Variants in TRPC6 observed in about 807,000 individuals in gnomAD.
TRPC6 encodes transient receptor potential cation channel subfamily C member 6.
A neutral mutation model predicts 90.7 loss-of-function variants in TRPC6; 55 were observed. That is an observed-to-expected ratio of 0.61 (90% CI 0.49 to 0.76). The LOEUF (loss-of-function observed/expected upper bound fraction) is 0.76. Ranked by LOEUF, TRPC6 falls within the 30% of genes least tolerant of loss-of-function variation. The pLI is 0.00. For synonymous variants in TRPC6, 393 were observed against 393.0 expected (o/e 1.00, Z 0.00); for missense variants, 989 against 1,122.7 (o/e 0.88, Z 1.70).
At chr11:101,556,358 T>G (rs1861560706) in intron 1 of TRPC6, among the ~76,000 whole-genome samples, 1 of 151,112 alleles carries the variant, frequency 6.6e-6, no homozygotes, top group African/African-American at 2.4e-5. Context: ...TCAAATAAAA[T>G]CAGAAATAAA....
At chr11:101,471,734 T>C (rs1217733590) in intron 8 of TRPC6, among the ~76,000 whole-genome samples, 1 of 152,214 alleles carries the variant, frequency 6.6e-6, no homozygotes, top group African/African-American at 2.4e-5. Flanking sequence ...CAGATCAAGA[T>C]TTCTGGAATA....
At chr11:101,490,177 C>A (rs761352417) in intron 3 of TRPC6, among the ~76,000 whole-genome samples, 3 of 152,058 alleles carry the variant, frequency 2.0e-5, no homozygotes, top group African/African-American at 7.2e-5. Context: ...TAACAAAAAT[C>A]TGAAAATTAT....
intron 1 of TRPC6, among the ~76,000 whole-genome samples, chr11:101,568,582 T>C (rs1424410783): frequency 6.7e-6 from 1 of 149,890 alleles, no homozygotes; most frequent in Non-Finnish European, 1.5e-5. Context: ...AAGGGTGAAA[T>C]GAAGGAAAAA....
At chr11:101,528,064 C>T (rs1302857014) in intron 1 of TRPC6, among the ~76,000 whole-genome samples, 1 of 152,000 alleles carries the variant, frequency 6.6e-6, no homozygotes, top group Non-Finnish European at 1.5e-5. Context: ...CAGAGTGAGA[C>T]TCCATCTCAA....
chr11:101,534,331 T>C (rs1161323156), intron 1 of TRPC6, among the ~76,000 whole-genome samples: 1 of 152,186 alleles, frequency 6.6e-6, no homozygotes, highest in African/African-American at 2.4e-5. Flanking sequence ...AGGTGGAGTT[T>C]CACCATGTTG....
Position 101,485,388 on chromosome 11 carries a change from T to A in TRPC6, c.1294-2223A>T, listed in dbSNP as rs75335606. On this transcript the variant is annotated intron_variant, in intron 4 of 12. Coordinates refer to ENST00000344327, the MANE Select transcript of TRPC6 (RefSeq NM_004621.6). ...TTTTCTTCTGCCTATTGTCCTTTGC[T>A]ATTTTTCTTTTTAAATATAAATAGT... Among the ~76,000 whole-genome samples, 8 of 152,260 alleles carry A rather than the reference T, an allele frequency of 5.3e-5. No homozygotes were observed. In the East Asian group the frequency reaches 1.5e-3, roughly 29 times the overall value.
intron 1 of TRPC6, among the ~76,000 whole-genome samples, chr11:101,515,657 T>C (rs891181810): frequency 2.0e-5 from 3 of 152,192 alleles, no homozygotes; most frequent in Admixed American, 6.5e-5. Flanking sequence ...TTTTAAAAAT[T>C]AGAATTTCAC....
At chr11:101,474,370 C>T (rs895022015) in intron 6 of TRPC6, among the ~76,000 whole-genome samples, 2 of 152,022 alleles carry the variant, frequency 1.3e-5, no homozygotes, top group Non-Finnish European at 2.9e-5. Context: ...CAATTATTCA[C>T]TTATGGATTT....
At chr11:101,528,383 C>A (rs866346223) in intron 1 of TRPC6, among the ~76,000 whole-genome samples, 1 of 152,122 alleles carries the variant, frequency 6.6e-6, no homozygotes, top group Non-Finnish European at 1.5e-5. Context: ...AACCTCATTG[C>A]CTACACATTG....
intron 10 of TRPC6, among the ~76,000 whole-genome samples, chr11:101,463,905 CA>C (rs554504779): frequency 7.8e-4 from 118 of 152,226 alleles, no homozygotes; most frequent in African/African-American, 2.7e-3. Flanking sequence ...GTTAGGGTGT[CA>C]ATTTTAGATC....
chr11:101,528,944 C>T (rs959513993), intron 1 of TRPC6, among the ~76,000 whole-genome samples: 1 of 151,870 alleles, frequency 6.6e-6, no homozygotes, highest in African/African-American at 2.4e-5. Flanking sequence ...TGGAAAATTC[C>T]AACTAATGAA....
intron 12 of TRPC6, 124 bp downstream of exon 12, chr11:101,453,526 G>T: frequency 2.1e-6 from 2 of 963,870 alleles, no homozygotes; most frequent in Non-Finnish European, 3.3e-6. Flanking sequence ...GTGAGATCCT[G>T]TTCTACTTTT....
intron 4 of TRPC6, among the ~76,000 whole-genome samples, chr11:101,485,126 T>TACACAC (rs10639907): frequency 0.041 from 5,835 of 143,898 alleles, 174 homozygotes; most frequent in African/African-American, 0.069. Context: ...GGCCAAAGAA[T>TACACAC]ACACACACAC....
At chr11:101,472,447 T>A in intron 7 of TRPC6, 115 bp from the exon 8 acceptor site, 1 of 976,844 alleles carries the variant, frequency 1.0e-6, no homozygotes, top group East Asian at 2.6e-5. Context: ...ATAAAAAAAA[T>A]TCTTCACTTC....
chr11:101,554,590 A>T (rs898498605), intron 1 of TRPC6, among the ~76,000 whole-genome samples: 7 of 152,082 alleles, frequency 4.6e-5, no homozygotes, highest in African/African-American at 1.7e-4. Context: ...TGCCCTGGCC[A>T]GTTTCAGGTG....
At chr11:101,500,210 C>CTTTTTTTTTT (rs373591780) in intron 2 of TRPC6, among the ~76,000 whole-genome samples, 1 of 137,710 alleles carries the variant, frequency 7.3e-6, no homozygotes, top group Non-Finnish European at 1.5e-5. Context: ...TATTTTTTTT[C>CTTTTTTTTTT]TTTCTTTTTT....
intron 1 of TRPC6, among the ~76,000 whole-genome samples, chr11:101,532,275 C>G (rs957666455): frequency 1.3e-5 from 2 of 152,138 alleles, no homozygotes; most frequent in East Asian, 1.9e-4. Flanking sequence ...TTTAATCACA[C>G]CTTCAAGGTG....
At chr11:101,578,684 G>C (rs1049403823) in intron 1 of TRPC6, among the ~76,000 whole-genome samples, 1 of 151,944 alleles carries the variant, frequency 6.6e-6, no homozygotes, top group Admixed American at 6.6e-5. Context: ...GATGCAATAA[G>C]TCACCTTTTA....
In TRPC6 at chr11:101,452,154, T is replaced by G. The variant is rs891441281; in HGVS notation, c.*801A>C. ...GTTTGGGGTTTTGATTTTTCTCCAATAAAAGGTACTTATTTAGACAGTAAA... is the reference window on the plus strand; with the variant it reads ...GTTTGGGGTTTTGATTTTTCTCCAAGAAAAGGTACTTATTTAGACAGTAAA... On this transcript the variant is annotated 3_prime_UTR_variant, in exon 13 of 13. Coordinates refer to ENST00000344327, the MANE Select transcript of TRPC6 (RefSeq NM_004621.6). The G allele has an allele frequency of 6.6e-6, 1 of 152,162 alleles. No individual in the cohort carries two copies. Among genetic ancestry groups the G allele is most frequent in the Non-Finnish European group, 1.5e-5 (1 of 68,020 alleles). 9.4% of individuals were successfully genotyped at this position (152,162 alleles called of 1,614,324 possible).
Sources: gnomAD v4.1 joint callset for allele counts (sites outside exome capture counted in the v4.1 genomes callset) on GRCh38, gnomAD v4.1.1 for gene constraint, MANE v1.5 for transcripts, NCBI Gene and HGNC (gene_info 2026-07-23, HGNC 2026-07-21) for gene names.